RAD51B: variants seen among roughly 807,000 people sequenced by gnomAD.
RAD51B encodes DNA repair protein RAD51 homolog 2.
Under a neutral mutation model 42.2 loss-of-function variants are expected in RAD51B, and 38 were observed. The observed-to-expected ratio is 0.90, with a 90% CI of 0.70 to 1.18. RAD51B has a LOEUF of 1.18. Ranked by LOEUF, RAD51B falls within the 50% of genes most tolerant of loss-of-function variation. RAD51B has a pLI of 0.00. For synonymous variants in RAD51B, 154 were observed against 145.2 expected, an observed-to-expected ratio of 1.06 and a Z score of -0.43; for missense variants, 373 against 400.7, an observed-to-expected ratio of 0.93 and a Z score of 0.59.
intron 7 of RAD51B, among the ~76,000 whole-genome samples, chr14:68,061,378 CT>C: frequency 6.6e-6 from 1 of 151,998 alleles, no homozygotes; most frequent in East Asian, 1.9e-4. Context: ...TATTTGAGAT[CT>C]TTTGGGGTTC....
intron 7 of RAD51B, among the ~76,000 whole-genome samples, chr14:68,143,823 A>G (rs1178227721): frequency 3.3e-5 from 5 of 152,148 alleles, no homozygotes; most frequent in Non-Finnish European, 7.4e-5. Flanking sequence ...TGTGGACTCT[A>G]TCAGAACCAA....
intron 9 of RAD51B, among the ~76,000 whole-genome samples, chr14:68,426,007 C>CCTTTCTTTCTTT (rs59829165): frequency 2.6e-5 from 3 of 116,634 alleles, no homozygotes; most frequent in African/African-American, 7.4e-5. Context: ...TTCCTTCCTT[C>CCTTTCTTTCTTT]CTTTCTTTCT....
chr14:68,186,234 A>AT (rs1454392119), intron 7 of RAD51B, among the ~76,000 whole-genome samples: 2 of 152,220 alleles, frequency 1.3e-5, no homozygotes, highest in African/African-American at 4.8e-5. Flanking sequence ...AAAGATTTAA[A>AT]TGTAAGACCT....
intron 7 of RAD51B, among the ~76,000 whole-genome samples, chr14:68,257,169 A>C (rs768283925): frequency 1.6e-4 from 25 of 152,236 alleles, no homozygotes. Context: ...AGATACAGAA[A>C]GTAGAATAGA....
chr14:68,308,591 A>G (rs906680563), intron 8 of RAD51B, among the ~76,000 whole-genome samples: 3 of 149,666 alleles, frequency 2.0e-5, no homozygotes, highest in Non-Finnish European at 4.4e-5. Flanking sequence ...TTTAAGAAAC[A>G]AAACTTTCTA....
At chr14:68,405,829 CAAAAAAAAAAAA>C (rs10547910) in intron 8 of RAD51B, among the ~76,000 whole-genome samples, 2 of 71,546 alleles carry the variant, frequency 2.8e-5, no homozygotes, top group African/African-American at 4.5e-5. Context: ...AGTTTATCAC[CAAAAAAAAAAAA>C]AAAAAAAAAA....
intron 7 of RAD51B, among the ~76,000 whole-genome samples, chr14:68,263,577 C>G (rs1778627797): frequency 1.3e-5 from 2 of 152,164 alleles, no homozygotes; most frequent in Admixed American, 1.3e-4. Context: ...GTTACCTATA[C>G]AGTAAAGATA....
At chr14:68,059,017 A>G (rs1413839293) in intron 7 of RAD51B, among the ~76,000 whole-genome samples, 3 of 152,106 alleles carry the variant, frequency 2.0e-5, no homozygotes, top group Non-Finnish European at 2.9e-5. Context: ...AACCCCTCTA[A>G]GCCTCCACCC....
chr14:68,087,788 TTAAAA>T (rs1222056908), intron 7 of RAD51B, among the ~76,000 whole-genome samples: 83 of 145,894 alleles, frequency 5.7e-4, no homozygotes, highest in African/African-American at 2.0e-3. Flanking sequence ...TTTTATTGAC[TTAAAA>T]TAATTATTTT....
intron 7 of RAD51B, among the ~76,000 whole-genome samples, chr14:68,051,910 G>A (rs1224962822): frequency 6.6e-6 from 1 of 151,738 alleles, no homozygotes; most frequent in Non-Finnish European, 1.5e-5. Context: ...AAAATGCAGT[G>A]TTTTTAGGAA....
At chr14:68,528,150 A>G (rs1887054238) in intron 10 of RAD51B, among the ~76,000 whole-genome samples, 1 of 152,206 alleles carries the variant, frequency 6.6e-6, no homozygotes, top group South Asian at 2.1e-4. Context: ...CTTCCGTACC[A>G]TACATCCTGA....
chr14:68,349,455 C>T (rs1054318068), intron 8 of RAD51B, among the ~76,000 whole-genome samples: 3 of 152,154 alleles, frequency 2.0e-5, no homozygotes, highest in African/African-American at 7.2e-5. Flanking sequence ...CAACCTCCGC[C>T]TCCCAGGTTC....
chr14:68,529,819 A>G (rs1426581145), intron 10 of RAD51B, among the ~76,000 whole-genome samples: 2 of 152,254 alleles, frequency 1.3e-5, no homozygotes, highest in African/African-American at 2.4e-5. Flanking sequence ...TAATGGAACA[A>G]TCTGACTAAA....
intron 10 of RAD51B, among the ~76,000 whole-genome samples, chr14:68,554,457 C>T (rs1239398579): frequency 6.6e-6 from 1 of 152,112 alleles, no homozygotes; most frequent in East Asian, 1.9e-4. Flanking sequence ...GGTTTCTACA[C>T]CTGGACTCCT....
chr14:68,331,664 G>C (rs2082355395), intron 8 of RAD51B, among the ~76,000 whole-genome samples: 1 of 152,158 alleles, frequency 6.6e-6, no homozygotes, highest in South Asian at 2.1e-4. Flanking sequence ...TTCTGCACCA[G>C]CAGTCATTTC....
At chr14:68,085,849 G>T (rs906204233) in intron 7 of RAD51B, among the ~76,000 whole-genome samples, 4 of 152,212 alleles carry the variant, frequency 2.6e-5, no homozygotes, top group African/African-American at 9.7e-5. Flanking sequence ...CGCTTCTTCA[G>T]TGTCCTGCTG....
chr14:67,953,333 G>C (rs1310259804), intron 7 of RAD51B, among the ~76,000 whole-genome samples: 1 of 152,126 alleles, frequency 6.6e-6, no homozygotes, highest in Non-Finnish European at 1.5e-5. Flanking sequence ...AGATGTAGGG[G>C]ATATTTGGGA....
intron 5 of RAD51B, among the ~76,000 whole-genome samples, chr14:67,865,455 T>G (rs906155442): frequency 6.6e-6 from 1 of 152,030 alleles, no homozygotes; most frequent in Non-Finnish European, 1.5e-5. Context: ...CAAGCTGGTA[T>G]TGAACTTCTG....
intron 7 of RAD51B, among the ~76,000 whole-genome samples, chr14:68,194,131 C>T (rs1470881599): frequency 6.6e-6 from 1 of 152,200 alleles, no homozygotes. Flanking sequence ...ATTTCAACAT[C>T]ATAGTTGCAA....
Sources: allele counts gnomAD v4.1 joint callset (sites outside exome capture counted in the v4.1 genomes callset), GRCh38; gene constraint gnomAD v4.1.1; transcripts MANE v1.5; gene names NCBI Gene and HGNC (gene_info 2026-07-23, HGNC 2026-07-21).